CDH4: variants seen among roughly 807,000 people sequenced by gnomAD.
CDH4 encodes cadherin-4.
A neutral mutation model predicts 86.0 loss-of-function variants in CDH4; 33 were observed. That is an observed-to-expected ratio of 0.38 (90% CI 0.29 to 0.51). The LOEUF is 0.51. CDH4 is among the 20% of genes least tolerant of loss of function. CDH4 has a pLI of 0.86. For missense variants in CDH4, 1,114 were observed against 1,307.4 expected (o/e 0.85, Z 2.28); for synonymous variants, 555 against 549.4 (o/e 1.01, Z -0.14).
chr20:61,678,227 TAC>T (rs963831483), intron 2 of CDH4, among the ~76,000 whole-genome samples: 1 of 152,024 alleles, frequency 6.6e-6, no homozygotes, highest in Non-Finnish European at 1.5e-5. Flanking sequence ...AGATGACAGA[TAC>T]ATAGATTATG....
At chr20:61,805,362 G>A (rs1010806284) in intron 4 of CDH4, among the ~76,000 whole-genome samples, 1 of 152,240 alleles carries the variant, frequency 6.6e-6, no homozygotes, top group African/African-American at 2.4e-5. Flanking sequence ...GGCCAGGATG[G>A]CCTCTGTGTT....
chr20:61,264,656 C>T (rs774443358), intron 2 of CDH4, among the ~76,000 whole-genome samples: 4 of 146,224 alleles, frequency 2.7e-5, no homozygotes, highest in South Asian at 4.6e-4. Flanking sequence ...CTTACACATA[C>T]CTCAGTGGCT....
chr20:61,660,797 T>C (rs6061705), intron 2 of CDH4, among the ~76,000 whole-genome samples: 127,108 of 151,996 alleles, frequency 0.84, 53,634 homozygotes, highest in African/African-American at 0.96. Context: ...AGGTGCTTCG[T>C]GGAGATACCT....
chr20:61,625,848 ACCT>A, intron 2 of CDH4, among the ~76,000 whole-genome samples: 1 of 152,218 alleles, frequency 6.6e-6, no homozygotes, highest in Non-Finnish European at 1.5e-5. Context: ...GGAGACTGTG[ACCT>A]ACCAGGGTCT....
intron 3 of CDH4, among the ~76,000 whole-genome samples, chr20:61,761,490 T>A (rs1290870481): frequency 6.6e-6 from 1 of 152,082 alleles, no homozygotes; most frequent in Non-Finnish European, 1.5e-5. Context: ...AGACGTGGTG[T>A]GTGTGTGGCT....
intron 4 of CDH4, among the ~76,000 whole-genome samples, chr20:61,806,611 G>T (rs1980148412): frequency 6.6e-6 from 1 of 152,172 alleles, no homozygotes; most frequent in Non-Finnish European, 1.5e-5. Flanking sequence ...GCAGGTGGAG[G>T]GTGGGGGCTG....
chr20:61,424,724 G>A (rs1056406464), intron 2 of CDH4, among the ~76,000 whole-genome samples: 8 of 152,128 alleles, frequency 5.3e-5, no homozygotes, highest in African/African-American at 9.7e-5. Flanking sequence ...TCTTTTGACC[G>A]TGTCTCCCTG....
chr20:61,833,707 A>G (rs13036844), intron 4 of CDH4, among the ~76,000 whole-genome samples: 62,803 of 151,848 alleles, frequency 0.41, 15,918 homozygotes, highest in Non-Finnish European at 0.58. Context: ...CTGACTGAGC[A>G]CAGTACTCAG....
chr20:61,361,889 G>A lies in CDH4; in HGVS notation c.169+106952G>A, dbSNP rs962087988. ...GTACTGTTCCAGACCCAGGGGATCA[G>A]CTTCCTCTCATGCCCCAGGTACTGT... On this transcript the variant is annotated intron_variant, in intron 2 of 15. Transcript: ENST00000614565. Among the ~76,000 whole-genome samples, 5 of 152,214 alleles carry A rather than the reference G, an allele frequency of 3.3e-5. No homozygotes were observed. The South Asian group carries it at 1.0e-3, about 32-fold the overall frequency.
intron 2 of CDH4, among the ~76,000 whole-genome samples, chr20:61,580,457 AAAAATAAAAT>A (rs140265674): frequency 6.6e-6 from 1 of 152,072 alleles, no homozygotes; most frequent in African/African-American, 2.4e-5. Flanking sequence ...CTCCATCTCA[AAAAATAAAAT>A]AAAATAAAAC....
intron 4 of CDH4, among the ~76,000 whole-genome samples, chr20:61,812,987 G>A (rs1052380819): frequency 4.6e-5 from 7 of 152,204 alleles, no homozygotes; most frequent in African/African-American, 1.4e-4. Context: ...TGGTGGAGGC[G>A]CCCTGCCGAG....
Position 61,392,245 on chromosome 20 carries a change from G to A in CDH4, c.169+137308G>A, listed in dbSNP as rs6089429. Among the ~76,000 whole-genome samples the A allele has an allele frequency of 0.18, 27,075 of 151,468 alleles. 3,157 individuals carry two copies. Among genetic ancestry groups the A allele is most frequent in the East Asian group, 0.41 (2,080 of 5,060 alleles). On this transcript the variant is annotated intron_variant, in intron 2 of 15. Transcript: ENST00000614565. This position sits in a 1 kb window ranked among gnomAD's most constrained non-coding sequence, Gnocchi z 5.7. ...ACGGGACCCGGACATGCTGCCTCTGGGCTGGGGAGGGACAGGAACCCGAGG... is the reference window on the plus strand; with the variant it reads ...ACGGGACCCGGACATGCTGCCTCTGAGCTGGGGAGGGACAGGAACCCGAGG...
At chr20:61,291,412 G>A (rs1182778220) in intron 2 of CDH4, among the ~76,000 whole-genome samples, 1 of 152,238 alleles carries the variant, frequency 6.6e-6, no homozygotes, top group Non-Finnish European at 1.5e-5. Flanking sequence ...CCCTGGGCCT[G>A]CTCTTGTGGC....
intron 7 of CDH4, among the ~76,000 whole-genome samples, chr20:61,883,739 C>T (rs754401035): frequency 4.9e-4 from 74 of 152,318 alleles, no homozygotes; most frequent in Non-Finnish European, 8.8e-4. Context: ...CAGGGAGGAG[C>T]CCCCAGCGCC....
chr20:61,378,268 A>C (rs951126474), intron 2 of CDH4, among the ~76,000 whole-genome samples: 2 of 152,178 alleles, frequency 1.3e-5, no homozygotes, highest in South Asian at 4.1e-4. Context: ...AGAAAAAAAA[A>C]TTTATTGGGA....
intron 4 of CDH4, among the ~76,000 whole-genome samples, chr20:61,802,959 C>G (rs539571047): frequency 2.0e-5 from 3 of 152,344 alleles, no homozygotes; most frequent in Non-Finnish European, 4.4e-5. Flanking sequence ...GGGTCTGGCT[C>G]TCTCCAACAT....
chr20:61,591,415 C>T (rs895095204), intron 2 of CDH4, among the ~76,000 whole-genome samples: 3 of 151,994 alleles, frequency 2.0e-5, no homozygotes, highest in African/African-American at 7.3e-5. Flanking sequence ...AAATCTCTTC[C>T]GTGTCTGGTG....
chr20:61,888,325 C>A (rs1427286721), intron 7 of CDH4, among the ~76,000 whole-genome samples: 1 of 152,222 alleles, frequency 6.6e-6, no homozygotes, highest in Non-Finnish European at 1.5e-5. Flanking sequence ...CCCAGCCCAT[C>A]TCTGCAGCCT....
intron 2 of CDH4, among the ~76,000 whole-genome samples, chr20:61,438,152 G>A (rs745952186): frequency 6.6e-5 from 10 of 152,194 alleles, no homozygotes; most frequent in Non-Finnish European, 1.5e-4. Flanking sequence ...TAGGCAAAAT[G>A]CACCTTGCAT....
Sources: allele counts gnomAD v4.1 joint callset (sites outside exome capture counted in the v4.1 genomes callset), GRCh38; gene constraint gnomAD v4.1.1; non-coding constraint Gnocchi (gnomAD v3.1); transcripts MANE v1.5; gene names NCBI Gene and HGNC (gene_info 2026-07-23, HGNC 2026-07-21).